The following MAP2K5 variants were observed in gnomAD, a reference collection of about 807,000 sequenced individuals.
MAP2K5 encodes dual specificity mitogen-activated protein kinase kinase 5.
MAP2K5 carries 49 observed loss-of-function variants against 83.1 expected under a neutral mutation model. The observed-to-expected ratio is 0.59, with a 90% CI of 0.47 to 0.75. The LOEUF is 0.75. MAP2K5 is among the 30% of genes least tolerant of loss of function. MAP2K5 has a pLI of 0.00. For synonymous variants in MAP2K5, 202 were observed against 191.8 expected (o/e 1.05, Z -0.44); for missense variants, 457 against 557.5 (o/e 0.82, Z 1.82).
rs952187311 is a variant in MAP2K5 at position 67,652,086 on chromosome 15, G to C, written c.736+5617G>C. ...CTGGAGTGAGAGGATATCTCACTGTGGTTTTGATTTGCATTTCCCTGGTGA... is the reference window on the plus strand; with the variant it reads ...CTGGAGTGAGAGGATATCTCACTGTCGTTTTGATTTGCATTTCCCTGGTGA... On this transcript the variant is annotated intron_variant, in intron 11 of 21. Coordinates refer to ENST00000178640, the MANE Select transcript of MAP2K5 (RefSeq NM_145160.3). The surrounding 1 kb of genome is among the most constrained non-coding windows in gnomAD (Gnocchi z 4.2). 1.3e-5 allele frequency among the ~76,000 whole-genome samples: 2 copies of C among 152,074 alleles called. No individual in the cohort carries two copies. Among genetic ancestry groups the C allele is most frequent in the African/African-American group, 4.8e-5 (2 of 41,416 alleles).
At chr15:67,696,724 T>C (rs1329726677) in intron 15 of MAP2K5, among the ~76,000 whole-genome samples, 1 of 152,236 alleles carries the variant, frequency 6.6e-6, no homozygotes, top group Non-Finnish European at 1.5e-5. Flanking sequence ...ATGCCTGTAA[T>C]CCCAGCACTT....
At chr15:67,661,754 G>A (rs2087242806) in intron 12 of MAP2K5, among the ~76,000 whole-genome samples, 2 of 151,988 alleles carry the variant, frequency 1.3e-5, no homozygotes, top group Admixed American at 1.3e-4. Context: ...AATTTTTAGT[G>A]GTGAGCTATC....
rs1170221093 is a variant in MAP2K5 at position 67,652,760 on chromosome 15, T to TC, written c.737-5793_737-5792insC. Among the ~76,000 whole-genome samples the TC allele has an allele frequency of 1.3e-5, 2 of 152,160 alleles. No individual in the cohort carries two copies. Among genetic ancestry groups the TC allele is most frequent in the Admixed American group, 1.3e-4 (2 of 15,266 alleles). On this transcript the variant is annotated intron_variant, in intron 11 of 21. Transcript: ENST00000178640. The surrounding 1 kb of genome is among the most constrained non-coding windows in gnomAD (Gnocchi z 4.2). ...CAGAACTCTTTTTGTCTTGCAAAAC[T>TC]GAAACTCTATACCTATTAAATAAGA... is the stretch of plus-strand genomic sequence containing the variant.
At chr15:67,580,168 G>A (rs1443746311) in intron 3 of MAP2K5, among the ~76,000 whole-genome samples, 1 of 152,108 alleles carries the variant, frequency 6.6e-6, no homozygotes, top group Non-Finnish European at 1.5e-5. Context: ...AGTGCAATTT[G>A]ATCCGTACTA....
At chr15:67,700,258 TAAGATCTTCCATA>T (rs2141212058) in intron 15 of MAP2K5, among the ~76,000 whole-genome samples, 1 of 152,346 alleles carries the variant, frequency 6.6e-6, no homozygotes, top group South Asian at 2.1e-4. Context: ...GACTGCCCTT[TAAGATCTTCCATA>T]AATTCTACTT....
chr15:67,576,069 A>G (rs2085058876), intron 3 of MAP2K5, among the ~76,000 whole-genome samples: 1 of 145,118 alleles, frequency 6.9e-6, no homozygotes, highest in Admixed American at 6.9e-5. Flanking sequence ...GGTGCACACC[A>G]CCACGCCTGG....
rs1009538869 is a variant in MAP2K5, at chr15:67,698,933, C to T, written c.973-4404C>T. ...TCTTCACACAACCCCAGGAGGTATA[C>T]GTATTACTACTATTATTTATTATTA... On this transcript the variant is annotated intron_variant, in intron 15 of 21. Transcript: ENST00000178640. This position sits in a 1 kb window ranked among gnomAD's most constrained non-coding sequence, Gnocchi z 4.5. Among the ~76,000 whole-genome samples the T allele has an allele frequency of 2.6e-5, 4 of 152,110 alleles. No individual in the cohort carries two copies. The highest frequency in any genetic ancestry group is 1.9e-4 in the East Asian group (1 of 5,204).
intron 15 of MAP2K5, among the ~76,000 whole-genome samples, chr15:67,699,571 C>T (rs1174977865): frequency 1.3e-5 from 2 of 152,112 alleles, no homozygotes. Context: ...CTAGGTTGGA[C>T]AAGGCACATC....
chr15:67,789,742 T>G (rs1386126317), intron 21 of MAP2K5, among the ~76,000 whole-genome samples: 4 of 152,206 alleles, frequency 2.6e-5, no homozygotes, highest in African/African-American at 9.6e-5. Flanking sequence ...CTAATCATTT[T>G]AATTTATGTT....
At chr15:67,639,722 A>G (rs2086673795) in intron 9 of MAP2K5, among the ~76,000 whole-genome samples, 1 of 152,230 alleles carries the variant, frequency 6.6e-6, no homozygotes, top group Admixed American at 6.5e-5. Context: ...CTGCTTTTAT[A>G]GCATTATCTT....
chr15:67,653,982 T>G (rs769223890), intron 11 of MAP2K5, among the ~76,000 whole-genome samples: 2 of 152,198 alleles, frequency 1.3e-5, no homozygotes, highest in Non-Finnish European at 2.9e-5. Flanking sequence ...TTTCCACATA[T>G]GCGTACTTGA....
chr15:67,694,626 T>C (rs1319937719), intron 15 of MAP2K5, among the ~76,000 whole-genome samples: 2 of 152,084 alleles, frequency 1.3e-5, no homozygotes, highest in Non-Finnish European at 2.9e-5. Context: ...CTGGAGAGGA[T>C]GTAGAGAAAT....
chr15:67,606,695 A>C (rs1308421232), intron 8 of MAP2K5, among the ~76,000 whole-genome samples: 1 of 152,224 alleles, frequency 6.6e-6, no homozygotes, highest in African/African-American at 2.4e-5. Flanking sequence ...AAAACATTAA[A>C]TTACTGTTTG....
In MAP2K5 at chr15:67,589,365, C is replaced by T. The variant is rs1292943256; in HGVS notation, c.431+2452C>T. Among the ~76,000 whole-genome samples the T allele has an allele frequency of 2.6e-5, 4 of 151,778 alleles. No individual in the cohort carries two copies. In the East Asian group the frequency reaches 7.7e-4, roughly 29 times the overall value. On this transcript the variant is annotated intron_variant, in intron 6 of 21. Coordinates refer to ENST00000178640, the MANE Select transcript of MAP2K5 (RefSeq NM_145160.3). Reference sequence around the variant, plus strand: ...AAAGCATGGGTTGTTTTTTCTTTTGCCTTAGGTGAATAACTGTTTATTAAA... The same window carrying T: ...AAAGCATGGGTTGTTTTTTCTTTTGTCTTAGGTGAATAACTGTTTATTAAA...
chr15:67,667,563 G>C (rs1163974304), intron 13 of MAP2K5, among the ~76,000 whole-genome samples: 1 of 152,022 alleles, frequency 6.6e-6, no homozygotes, highest in Non-Finnish European at 1.5e-5. Flanking sequence ...ACTAATGAGT[G>C]ATCTATACCT....
rs2086649512 is a variant in MAP2K5 at position 67,638,464 on chromosome 15, G to A, written c.585+7537G>A. ...GTATGTACCACATTTTCTTTATCCA[G>A]TCTACCAGTGATGGGCATTTAGGTT... On this transcript the variant is annotated intron_variant, in intron 9 of 21. Coordinates refer to ENST00000178640, the MANE Select transcript of MAP2K5 (RefSeq NM_145160.3). This position sits in a 1 kb window ranked among gnomAD's most constrained non-coding sequence, Gnocchi z 4.5. Among the ~76,000 whole-genome samples, 1 of 152,136 alleles carries A rather than the reference G, an allele frequency of 6.6e-6. No homozygotes were observed. The highest frequency in any genetic ancestry group is 2.4e-5 in the African/African-American group (1 of 41,430).
At chr15:67,739,060 AC>A (rs2089409224) in intron 17 of MAP2K5, among the ~76,000 whole-genome samples, 2 of 152,108 alleles carry the variant, frequency 1.3e-5, no homozygotes, top group South Asian at 4.1e-4. Context: ...CAGGAGACTC[AC>A]GTGAGCCCAG....
At position 67,602,301 on chromosome 15, in the gene MAP2K5, A is replaced by G. The variant is rs1038541228; in HGVS notation, c.545+1552A>G. Among the ~76,000 whole-genome samples the G allele has an allele frequency of 4.6e-5, 7 of 152,218 alleles. No individual in the cohort carries two copies. The South Asian group carries it at 8.3e-4, about 18-fold the overall frequency. On this transcript the variant is annotated intron_variant, in intron 8 of 21. Transcript: ENST00000178640. ...AACATGTATACTCTGATTTGCTTCT[A>G]TTGAGTTCCCTGGAGGGAGCACTTT... is the stretch of plus-strand genomic sequence containing the variant.
rs532511692 is a variant in MAP2K5 at position 67,684,245 on chromosome 15, A to C, written c.848-8234A>C. ...GGGAACTATAAGCCAAACAATTCCCAAAACTTATACAAAGTTGGGAATATT... is the reference window on the plus strand; with the variant it reads ...GGGAACTATAAGCCAAACAATTCCCCAAACTTATACAAAGTTGGGAATATT... On this transcript the variant is annotated intron_variant, in intron 13 of 21. Transcript: ENST00000178640. Among the ~76,000 whole-genome samples, 4 of 152,338 alleles carry C rather than the reference A, an allele frequency of 2.6e-5. No individual in the cohort carries two copies. The East Asian group carries it at 5.8e-4, about 22-fold the overall frequency.
Sources: gnomAD v4.1 joint callset for allele counts (sites outside exome capture counted in the v4.1 genomes callset) on GRCh38, gnomAD v4.1.1 for gene constraint, Gnocchi (gnomAD v3.1) non-coding constraint, MANE v1.5 for transcripts, NCBI Gene and HGNC (gene_info 2026-07-23, HGNC 2026-07-21) for gene names.